Variants in CBFB observed in about 807,000 individuals in gnomAD.
CBFB encodes the protein core-binding factor subunit beta, also known as CBF-beta.
A neutral mutation model predicts 30.4 loss-of-function variants in CBFB; 9 were observed. The observed-to-expected ratio is 0.30, with a 90% CI of 0.18 to 0.52. CBFB has a LOEUF of 0.52. Ranked by LOEUF, CBFB falls within the 20% of genes least tolerant of loss-of-function variation. CBFB has a pLI of 0.97. For missense variants in CBFB, 170 were observed against 244.0 expected, an observed-to-expected ratio of 0.70 and a Z score of 2.02; for synonymous variants, 94 against 84.0, an observed-to-expected ratio of 1.12 and a Z score of -0.65.
chr16:67,072,761 C>T (rs1183483354), intron 4 of CBFB, among the ~76,000 whole-genome samples: 3 of 151,340 alleles, frequency 2.0e-5, no homozygotes, highest in African/African-American at 2.4e-5. Context: ...CCACCATGCC[C>T]GGCCTCTTTT....
chr16:67,039,801 C>T (rs1251860386), intron 3 of CBFB, among the ~76,000 whole-genome samples: 1 of 151,946 alleles, frequency 6.6e-6, no homozygotes, highest in Non-Finnish European at 1.5e-5. Flanking sequence ...ATCTCTGTAA[C>T]TCTGCTGTTG....
At chr16:67,057,183 A>G (rs1372583169) in intron 3 of CBFB, among the ~76,000 whole-genome samples, 2 of 151,378 alleles carry the variant, frequency 1.3e-5, no homozygotes, top group East Asian at 1.9e-4. Flanking sequence ...GGGTTTCACC[A>G]TGTTGGCCAG....
At chr16:67,052,074 C>A (rs916311374) in intron 3 of CBFB, among the ~76,000 whole-genome samples, 5 of 152,052 alleles carry the variant, frequency 3.3e-5, no homozygotes, top group African/African-American at 1.2e-4. Context: ...CTCAAGCCCT[C>A]CTCCCATGTT....
chr16:67,051,280 G>A (rs1966734466), intron 3 of CBFB, among the ~76,000 whole-genome samples: 2 of 152,122 alleles, frequency 1.3e-5, no homozygotes, highest in South Asian at 4.1e-4. Flanking sequence ...TCCACATGTG[G>A]CTGTTGAACA....
rs1253467958 is a variant in CBFB, at chr16:67,029,347, G to C, written c.-61G>C. ...CGGTCAGTCGGTCAGCGCGGAGCCA[G>C]CCAGCGGGTGCCCGCGCAAGCCCCG... On this transcript the variant is annotated 5_prime_UTR_variant, in exon 1 of 6. Transcript: ENST00000412916. The C allele has an allele frequency of 3.2e-5, 40 of 1,262,906 alleles. 1 individual carries two copies. Among genetic ancestry groups the C allele is most frequent in the Non-Finnish European group, 3.8e-5 (36 of 957,498 alleles). 78.2% of individuals were successfully genotyped at this position (1,262,906 alleles called of 1,614,324 possible). A position where few individuals can be genotyped will look rare whatever the true frequency, so the allele number is the denominator to read the frequency against.
chr16:67,068,567 C>T (rs79572648), intron 4 of CBFB, among the ~76,000 whole-genome samples: 2,002 of 152,138 alleles, frequency 0.013, 36 homozygotes, highest in African/African-American at 0.045. Context: ...TTAGTCCAGG[C>T]GAGTCACTAA....
rs950312102 is a variant in CBFB at position 67,060,495 on chromosome 16, G to A, written c.283-6187G>A. Among the ~76,000 whole-genome samples, 4 of 152,062 alleles carry A rather than the reference G, an allele frequency of 2.6e-5. No homozygotes were observed. The South Asian group carries it at 6.2e-4, about 24-fold the overall frequency. ...CCCCTGGCAACTACTTATCTCCTTC[G>A]TGTTGCTCTGTTGCTCTGGATTTAG... On this transcript the variant is annotated intron_variant, in intron 3 of 5. Coordinates refer to ENST00000412916, the MANE Select transcript of CBFB (RefSeq NM_022845.3).
rs768490725 is a variant in CBFB, at chr16:67,082,251, T to G, written c.438T>G (p.Ala146=). 11 of 1,610,778 alleles carry G rather than the reference T, an allele frequency of 6.8e-6. No homozygotes were observed. The African/African-American group carries it at 1.3e-4, about 20-fold the overall frequency. ...TAGCACAACAGGCCTTTGAAGAGGC[T>G]CGGAGAAGGACACGCGAATTTGAAG... The part of the protein sequence containing the change: ...DALAQQAFEE[A]RRRTREFEDR... Residue 146 remains alanine, a synonymous_variant, in exon 5 of 6, where the codon GCT becomes GCG. Transcript: ENST00000412916.
intron 3 of CBFB, among the ~76,000 whole-genome samples, chr16:67,055,690 T>C (rs1960703225): frequency 1.3e-5 from 2 of 152,280 alleles, no homozygotes; most frequent in East Asian, 3.9e-4. Flanking sequence ...ATTTTATGAT[T>C]TCTCTTTTGG....
Position 67,075,213 on chromosome 16 carries a change from G to A in CBFB, c.400-7000G>A, listed in dbSNP as rs951188811. On this transcript the variant is annotated intron_variant, in intron 4 of 5. Coordinates refer to ENST00000412916, the MANE Select transcript of CBFB (RefSeq NM_022845.3). ...TCAAAAAAAATGTGTGTGTGTGTGT[G>A]TGTGTGTGTGTGTGTGTGTGTAAAG... Among the ~76,000 whole-genome samples, 10 of 135,188 alleles carry A rather than the reference G, an allele frequency of 7.4e-5. No individual in the cohort carries two copies. The South Asian group carries it at 9.1e-4, about 12-fold the overall frequency. 88.7% of individuals were successfully genotyped at this position (135,188 alleles called of 152,430 possible). A position where few individuals can be genotyped will look rare whatever the true frequency, so the allele number is the denominator to read the frequency against.
intron 5 of CBFB, among the ~76,000 whole-genome samples, chr16:67,098,262 A>C (rs1051890534): frequency 4.6e-5 from 7 of 152,054 alleles, no homozygotes; most frequent in Admixed American, 2.6e-4. Flanking sequence ...CAGCCTCCCA[A>C]GTTGCTGGGA....
chr16:67,097,380 T>C (rs1014000469), intron 5 of CBFB, among the ~76,000 whole-genome samples: 2 of 151,570 alleles, frequency 1.3e-5, no homozygotes, highest in African/African-American at 4.9e-5. Context: ...ACCCCATCTC[T>C]ACTAAAACTA....
At chr16:67,058,236 G>A (rs1243619164) in intron 3 of CBFB, among the ~76,000 whole-genome samples, 1 of 152,110 alleles carries the variant, frequency 6.6e-6, no homozygotes, top group Non-Finnish European at 1.5e-5. Context: ...TGCCTCCTGG[G>A]TTCAAGTGAT....
At chr16:67,050,255 TTATA>T (rs938069114) in intron 3 of CBFB, among the ~76,000 whole-genome samples, 13 of 147,658 alleles carry the variant, frequency 8.8e-5, no homozygotes, top group East Asian at 5.8e-4. Flanking sequence ...ATCACATAAA[TTATA>T]TATAATATAT....
intron 4 of CBFB, among the ~76,000 whole-genome samples, chr16:67,069,834 T>TAA (rs1450776069): frequency 6.6e-6 from 1 of 152,096 alleles, no homozygotes. Flanking sequence ...AAAGAAAATG[T>TAA]AAAAGCAGAT....
At chr16:67,059,073 T>A (rs1447556337) in intron 3 of CBFB, among the ~76,000 whole-genome samples, 2 of 152,222 alleles carry the variant, frequency 1.3e-5, no homozygotes, top group Non-Finnish European at 2.9e-5. Flanking sequence ...ACCTTTAATT[T>A]GTCTCCTCAT....
chr16:67,051,912 T>TACAC (rs112469458), intron 3 of CBFB, among the ~76,000 whole-genome samples: 3,529 of 144,002 alleles, frequency 0.025, 59 homozygotes, highest in Admixed American at 0.032. Flanking sequence ...TATATGTGTA[T>TACAC]ACACACACAC....
intron 3 of CBFB, among the ~76,000 whole-genome samples, chr16:67,042,007 A>G (rs1261792529): frequency 6.6e-6 from 1 of 151,198 alleles, no homozygotes; most frequent in East Asian, 2.0e-4. Context: ...TCCCAAGCTC[A>G]GGTGATCTTC....
At chr16:67,038,722 A>T (rs1220999483) in intron 3 of CBFB, among the ~76,000 whole-genome samples, 1 of 151,970 alleles carries the variant, frequency 6.6e-6, no homozygotes, top group Admixed American at 6.6e-5. Context: ...TCTTGTTTGA[A>T]TACTTCCTTA....
Sources: gnomAD v4.1 joint callset for allele counts (sites outside exome capture counted in the v4.1 genomes callset) on GRCh38, gnomAD v4.1.1 for gene constraint, MANE v1.5 for transcripts, NCBI Gene and HGNC (gene_info 2026-07-23, HGNC 2026-07-21) for gene names.